Variants in PRDM11 observed in about 807,000 individuals in gnomAD.
PRDM11 encodes the protein PR/SET domain 11, also known as PR domain-containing protein 11.
PRDM11 carries 20 observed loss-of-function variants against 97.8 expected under a neutral mutation model. That is an observed-to-expected ratio of 0.20 (90% CI 0.14 to 0.30). The LOEUF (loss-of-function observed/expected upper bound fraction) is 0.30, where lower values mean the gene tolerates loss of function less well. PRDM11 is among the 10% of genes least tolerant of loss of function. The probability of loss-of-function intolerance (pLI) is 1.00; values close to 1 mark genes in which losing one functional copy is unlikely to be tolerated. For synonymous variants in PRDM11, 599 were observed against 637.7 expected (o/e 0.94, Z 0.91); for missense variants, 1,139 against 1,555.2 (o/e 0.73, Z 4.50).
intron 1 of PRDM11, among the ~76,000 whole-genome samples, chr11:45,118,423 C>CA (rs1391621681): frequency 1.3e-5 from 2 of 152,066 alleles, no homozygotes; most frequent in Non-Finnish European, 2.9e-5. Flanking sequence ...TCTAAAACTT[C>CA]AAAAAATAAA....
intron 1 of PRDM11, among the ~76,000 whole-genome samples, chr11:45,158,821 C>T (rs913539862): frequency 3.9e-5 from 6 of 152,140 alleles, no homozygotes; most frequent in Admixed American, 6.5e-5. Flanking sequence ...AGGACAGACA[C>T]CCTGAGCCTG....
chr11:45,118,670 C>G (rs927548207), intron 1 of PRDM11, among the ~76,000 whole-genome samples: 5 of 152,140 alleles, frequency 3.3e-5, no homozygotes, highest in African/African-American at 9.7e-5. Context: ...AGCAAATTAG[C>G]AGTAGATGGG....
chr11:45,196,376 C>T (rs535119016), intron 4 of PRDM11, among the ~76,000 whole-genome samples: 5 of 152,272 alleles, frequency 3.3e-5, no homozygotes, highest in East Asian at 1.9e-4. Context: ...CTGTTAACTA[C>T]GTTCTTCTGC....
intron 1 of PRDM11, among the ~76,000 whole-genome samples, chr11:45,128,256 T>C (rs184427857): frequency 2.0e-3 from 307 of 152,318 alleles, no homozygotes; most frequent in African/African-American, 7.1e-3. Flanking sequence ...GTCACCCCTT[T>C]CTTTGACTAG....
intron 1 of PRDM11, among the ~76,000 whole-genome samples, chr11:45,150,179 C>G (rs1227479451): frequency 2.6e-5 from 4 of 152,280 alleles, no homozygotes; most frequent in African/African-American, 7.2e-5. Flanking sequence ...TTGCATTCCA[C>G]CCCCTCTCCT....
chr11:45,178,932 C>T (rs1308522817), intron 1 of PRDM11, among the ~76,000 whole-genome samples: 2 of 152,194 alleles, frequency 1.3e-5, no homozygotes, highest in Non-Finnish European at 2.9e-5. Context: ...TCAAGTAATC[C>T]TGCTAACAAA....
chr11:45,125,445 T>C (rs868785393), intron 1 of PRDM11, among the ~76,000 whole-genome samples: 5,950 of 152,272 alleles, frequency 0.039, 404 homozygotes, highest in African/African-American at 0.14. Flanking sequence ...GTGTCAATTT[T>C]GGATCTTTCC....
intron 6 of PRDM11, among the ~76,000 whole-genome samples, chr11:45,223,166 A>T (rs1854166211): frequency 6.6e-6 from 1 of 152,156 alleles, no homozygotes; most frequent in African/African-American, 2.4e-5. Flanking sequence ...AAGTACAAAA[A>T]TTAGGGTGTG....
Position 45,224,647 on chromosome 11 carries a change from C to T in PRDM11, c.1173C>T (p.Asp391=), listed in dbSNP as rs775441571. ...EEEEPSSFKA[D]SPAEASLASD... is the part of the protein sequence containing the mutation. Reference sequence around the variant, plus strand: ...AGGAGCCTTCATCATTCAAGGCCGACAGTCCTGCCGAGGCCTCCCTTGCAT... The same window carrying T: ...AGGAGCCTTCATCATTCAAGGCCGATAGTCCTGCCGAGGCCTCCCTTGCAT... The change falls in exon 7 of 8, where the codon GAC becomes GAT. Residue 391 remains aspartate, a synonymous_variant. Coordinates refer to ENST00000683152, the MANE Select transcript of PRDM11 (RefSeq NM_001384648.1). 4.3e-6 allele frequency: 7 copies of T among 1,614,094 alleles called. No individual in the cohort carries two copies. Among genetic ancestry groups the T allele is most frequent in the African/African-American group, 1.3e-5 (1 of 74,936 alleles).
intron 1 of PRDM11, among the ~76,000 whole-genome samples, chr11:45,126,205 C>T (rs1852567296): frequency 6.6e-6 from 1 of 151,990 alleles, no homozygotes; most frequent in African/African-American, 2.4e-5. Flanking sequence ...CTTCCTCCAT[C>T]CCTTTATTTT....
intron 1 of PRDM11, among the ~76,000 whole-genome samples, chr11:45,114,548 G>T (rs1001149987): frequency 2.6e-5 from 4 of 152,062 alleles, no homozygotes; most frequent in African/African-American, 4.8e-5. Context: ...CAAACTTGGT[G>T]AAAAACACAA....
At chr11:45,174,986 G>GT (rs1852292560) in intron 1 of PRDM11, among the ~76,000 whole-genome samples, 1 of 152,134 alleles carries the variant, frequency 6.6e-6, no homozygotes, top group Admixed American at 6.5e-5. Flanking sequence ...CAAAATCCTT[G>GT]TTTTTTAGAG....
rs1854367564 is a variant in PRDM11 at position 45,229,938 on chromosome 11, G to A, written c.*1779G>A. On this transcript the variant is annotated 3_prime_UTR_variant, in exon 8 of 8. Coordinates refer to ENST00000683152, the MANE Select transcript of PRDM11 (RefSeq NM_001384648.1). Reference sequence around the variant, plus strand: ...TTCCTTCTTGGTTTATGTTGTCTCTGAGGCCTCATGCCACCGTTGAGAACC... The same window carrying A: ...TTCCTTCTTGGTTTATGTTGTCTCTAAGGCCTCATGCCACCGTTGAGAACC... 1 of 152,016 alleles carries A rather than the reference G, an allele frequency of 6.6e-6. No homozygotes were observed. Among genetic ancestry groups the A allele is most frequent in the Non-Finnish European group, 1.5e-5 (1 of 68,036 alleles). 9.4% of individuals were successfully genotyped at this position (152,016 alleles called of 1,614,324 possible).
chr11:45,127,711 G>A (rs1852610378), intron 1 of PRDM11, among the ~76,000 whole-genome samples: 1 of 152,204 alleles, frequency 6.6e-6, no homozygotes, highest in Non-Finnish European at 1.5e-5. Context: ...CATTCCTCTG[G>A]AAGTTTTGTC....
chr11:45,211,157 C>G (rs1389031692), intron 5 of PRDM11, among the ~76,000 whole-genome samples: 2 of 152,200 alleles, frequency 1.3e-5, no homozygotes, highest in African/African-American at 4.8e-5. Flanking sequence ...GGGTCTCACT[C>G]CTTCCAACAC....
chr11:45,213,429 C>G (rs1359001697), intron 5 of PRDM11: 1 of 447,906 alleles, frequency 2.2e-6, no homozygotes, highest in South Asian at 1.6e-5. Context: ...ATGTGACCTC[C>G]CAGGCCCTGA....
intron 1 of PRDM11, among the ~76,000 whole-genome samples, chr11:45,175,072 C>G (rs566344927): frequency 6.6e-6 from 1 of 152,328 alleles, no homozygotes; most frequent in Non-Finnish European, 1.5e-5. Context: ...CATCCAGCTT[C>G]CCGGTTATTA....
At chr11:45,168,399 C>A (rs1303090904) in intron 1 of PRDM11, among the ~76,000 whole-genome samples, 1 of 152,172 alleles carries the variant, frequency 6.6e-6, no homozygotes, top group Non-Finnish European at 1.5e-5. Flanking sequence ...AATAGAGACC[C>A]CCAACTCCAG....
At chr11:45,189,525 A>G (rs1419062651) in intron 4 of PRDM11, among the ~76,000 whole-genome samples, 1 of 152,164 alleles carries the variant, frequency 6.6e-6, no homozygotes, top group Admixed American at 6.5e-5. Flanking sequence ...CTGGGCGCTG[A>G]TACTGGATAG....
Sources: allele counts gnomAD v4.1 joint callset (sites outside exome capture counted in the v4.1 genomes callset), GRCh38; gene constraint gnomAD v4.1.1; transcripts MANE v1.5; gene names NCBI Gene and HGNC (gene_info 2026-07-23, HGNC 2026-07-21).